KCNQ1OT1: variants seen among roughly 807,000 people sequenced by gnomAD.
KCNQ1OT1 encodes KCNQ1 antisense RNA 2 (non-protein coding).
Position 2,695,210 on chromosome 11 carries a change from A to C in KCNQ1OT1, n.4785T>G, listed in dbSNP as rs1294544041. On this transcript the variant is annotated non_coding_transcript_exon_variant, in exon 1 of 1. Transcript: ENST00000597346. This position sits in a 1 kb window ranked among gnomAD's most constrained non-coding sequence, Gnocchi z 5.2. ...GCCTATGAAACACTGTCACCCTGTAAGGGTCTGCATAAAGTCACCGCTCTC... is the reference window on the plus strand; with the variant it reads ...GCCTATGAAACACTGTCACCCTGTACGGGTCTGCATAAAGTCACCGCTCTC... 1 of 398,486 alleles carries C rather than the reference A, an allele frequency of 2.5e-6. No individual in the cohort carries two copies. The highest frequency in any genetic ancestry group is 4.4e-6 in the Non-Finnish European group (1 of 226,092). 24.7% of individuals were successfully genotyped at this position (398,486 alleles called of 1,614,324 possible).
rs1850243160 is a variant in KCNQ1OT1, at chr11:2,674,140, T to C, written n.25855A>G. ...GCTGGTTTGCCGGGGCCACCCAGTGTGGGCTCAGGAAGGGAAGGAATGTGA... is the reference window on the plus strand; with the variant it reads ...GCTGGTTTGCCGGGGCCACCCAGTGCGGGCTCAGGAAGGGAAGGAATGTGA... On this transcript the variant is annotated non_coding_transcript_exon_variant, in exon 1 of 1. Coordinates refer to ENST00000597346, the Ensembl canonical transcript of KCNQ1OT1. The surrounding 1 kb of genome is among the most constrained non-coding windows in gnomAD (Gnocchi z 5.9). 2 of 398,434 alleles carry C rather than the reference T, an allele frequency of 5.0e-6. No individual in the cohort carries two copies. Among genetic ancestry groups the C allele is most frequent in the Non-Finnish European group, 8.8e-6 (2 of 226,136 alleles). The allele number at this position is 398,434 out of a possible 1,614,324, so 24.7% of individuals were successfully genotyped here.
chr11:2,698,861 C>T lies in KCNQ1OT1; in HGVS notation n.1134G>A, dbSNP rs987008012. 8.0e-5 allele frequency: 32 copies of T among 398,700 alleles called. No individual in the cohort carries two copies. The highest frequency in any genetic ancestry group is 6.2e-4 in the African/African-American group (30 of 48,618). The allele number at this position is 398,700 out of a possible 1,614,324, so 24.7% of individuals were successfully genotyped here. A position where few individuals can be genotyped will look rare whatever the true frequency, so the allele number is the denominator to read the frequency against. ...CCACCATGCGGACTCCAGACCCGGA[C>T]TGACTGGGACCCCAACTACTCAGAT... is the stretch of plus-strand genomic sequence containing the variant. On this transcript the variant is annotated non_coding_transcript_exon_variant, in exon 1 of 1. Coordinates refer to ENST00000597346, the Ensembl canonical transcript of KCNQ1OT1. This position sits in a 1 kb window ranked among gnomAD's most constrained non-coding sequence, Gnocchi z 5.1.
In KCNQ1OT1 at chr11:2,642,941, T is replaced by G. The variant is rs2133831990; in HGVS notation, n.57054A>C. On this transcript the variant is annotated non_coding_transcript_exon_variant, in exon 1 of 1. Transcript: ENST00000597346. This position sits in a 1 kb window ranked among gnomAD's most constrained non-coding sequence, Gnocchi z 4.3. ...GACCCATTGGTCATTCAGGAACATG[T>G]TAATTTCCATTTATTTATACAGTTT... The G allele has an allele frequency of 2.5e-6, 1 of 398,012 alleles. No homozygotes were observed. Among genetic ancestry groups the G allele is most frequent in the South Asian group, 1.3e-4 (1 of 7,860 alleles). 24.7% of individuals were successfully genotyped at this position (398,012 alleles called of 1,614,324 possible).
Position 2,695,663 on chromosome 11 carries a change from G to A in KCNQ1OT1, n.4332C>T, listed in dbSNP as rs1850662905. 2.5e-6 allele frequency: 1 copy of A among 398,480 alleles called. No individual in the cohort carries two copies. Among genetic ancestry groups the A allele is most frequent in the Non-Finnish European group, 4.4e-6 (1 of 226,080 alleles). The allele number at this position is 398,480 out of a possible 1,614,324, so 24.7% of individuals were successfully genotyped here. ...GCCACAGGTATAAAATATTTTATTTGAGGAAGAAGTGTTGGCCAGCTCTTC... is the reference window on the plus strand; with the variant it reads ...GCCACAGGTATAAAATATTTTATTTAAGGAAGAAGTGTTGGCCAGCTCTTC... On this transcript the variant is annotated non_coding_transcript_exon_variant, in exon 1 of 1. Coordinates refer to ENST00000597346, the Ensembl canonical transcript of KCNQ1OT1. This position sits in a 1 kb window ranked among gnomAD's most constrained non-coding sequence, Gnocchi z 5.2.
At chr11:2,675,886 T>G (rs1850285053) in exon 1 of KCNQ1OT1, 1 of 398,592 alleles carries the variant, frequency 2.5e-6, no homozygotes, top group Admixed American at 4.4e-5. Flanking sequence ...AATCGTGCTT[T>G]ATGTATTCAA....
At chr11:2,689,333 G>A (rs747385931) in exon 1 of KCNQ1OT1, 46 of 398,522 alleles carry the variant, frequency 1.2e-4, no homozygotes, top group Middle Eastern at 6.2e-4. Context: ...GCCCCTATCC[G>A]CAGAGCTTGA....
chr11:2,680,839 G>T (rs1412133539), exon 1 of KCNQ1OT1: 3 of 398,332 alleles, frequency 7.5e-6, no homozygotes, highest in Non-Finnish European at 1.3e-5. Flanking sequence ...TTTGGGATCG[G>T]CTCTTTTCAC....
rs1031779526 is a variant in KCNQ1OT1, at chr11:2,673,661, C to T, written n.26334G>A. The T allele has an allele frequency of 7.5e-6, 3 of 398,634 alleles. No homozygotes were observed. Among genetic ancestry groups the T allele is most frequent in the African/African-American group, 6.2e-5 (3 of 48,630 alleles). 24.7% of individuals were successfully genotyped at this position (398,634 alleles called of 1,614,324 possible). ...GACCACCCTGACTCATGTCCCTTGT[C>T]TGCATAGGTGTTTTCCTATAAATGT... On this transcript the variant is annotated non_coding_transcript_exon_variant, in exon 1 of 1. Coordinates refer to ENST00000597346, the Ensembl canonical transcript of KCNQ1OT1. This position sits in a 1 kb window ranked among gnomAD's most constrained non-coding sequence, Gnocchi z 4.5.
At chr11:2,631,687 G>A (rs1849355419) in exon 1 of KCNQ1OT1, 4 of 398,410 alleles carry the variant, frequency 1.0e-5, no homozygotes, top group Non-Finnish European at 1.3e-5. Context: ...ACTTGATGGA[G>A]TGTTAAGTAG....
chr11:2,624,722 A>G lies in KCNQ1OT1; in HGVS notation n.75273T>C. Reference sequence around the variant, plus strand: ...TTTGTAATTATGAAACTCTATATCCATTAAACAATAATTCCCCAACCCCCC... The same window carrying G: ...TTTGTAATTATGAAACTCTATATCCGTTAAACAATAATTCCCCAACCCCCC... On this transcript the variant is annotated non_coding_transcript_exon_variant, in exon 1 of 1. Transcript: ENST00000597346. The surrounding 1 kb of genome is among the most constrained non-coding windows in gnomAD (Gnocchi z 4.9). The G allele has an allele frequency of 2.5e-6, 1 of 398,542 alleles. No individual in the cohort carries two copies. Among genetic ancestry groups the G allele is most frequent in the Non-Finnish European group, 4.4e-6 (1 of 226,058 alleles). The allele number at this position is 398,542 out of a possible 1,614,324, so 24.7% of individuals were successfully genotyped here. A position where few individuals can be genotyped will look rare whatever the true frequency, so the allele number is the denominator to read the frequency against.
chr11:2,654,081 T>C lies in KCNQ1OT1; in HGVS notation n.45914A>G. On this transcript the variant is annotated non_coding_transcript_exon_variant, in exon 1 of 1. Coordinates refer to ENST00000597346, the Ensembl canonical transcript of KCNQ1OT1. This position sits in a 1 kb window ranked among gnomAD's most constrained non-coding sequence, Gnocchi z 6.4. Reference sequence around the variant, plus strand: ...GAATGGCTTTTACACTTTCCATCCATGTCCCTTACTTCTCGCCTCTGAGTG... The same window carrying C: ...GAATGGCTTTTACACTTTCCATCCACGTCCCTTACTTCTCGCCTCTGAGTG... 2 of 398,786 alleles carry C rather than the reference T, an allele frequency of 5.0e-6. No individual in the cohort carries two copies. The highest frequency in any genetic ancestry group is 8.8e-6 in the Non-Finnish European group (2 of 226,134). 24.7% of individuals were successfully genotyped at this position (398,786 alleles called of 1,614,324 possible).
exon 1 of KCNQ1OT1, chr11:2,616,963 GT>G (rs35383069): frequency 0.59 from 220,154 of 371,904 alleles, 62,039 homozygotes; most frequent in East Asian, 0.84. Context: ...ATCTTGTTGT[GT>G]TTTTTTTTTT....
At chr11:2,649,912 G>A (rs1466442177) in exon 1 of KCNQ1OT1, 1 of 398,190 alleles carries the variant, frequency 2.5e-6, no homozygotes, top group African/African-American at 2.1e-5. Flanking sequence ...ACTTCTTCTG[G>A]AACTCCCAAA....
chr11:2,681,775 G>A, exon 1 of KCNQ1OT1: 1 of 398,490 alleles, frequency 2.5e-6, no homozygotes, highest in Non-Finnish European at 4.4e-6. Flanking sequence ...CTGGGACCTG[G>A]GAGGACCAGA....
chr11:2,658,506 C>T lies in KCNQ1OT1; in HGVS notation n.41489G>A, dbSNP rs1397470927. 2 of 398,390 alleles carry T rather than the reference C, an allele frequency of 5.0e-6. No homozygotes were observed. Among genetic ancestry groups the T allele is most frequent in the Middle Eastern group, 6.2e-4 (1 of 1,612 alleles). The allele number at this position is 398,390 out of a possible 1,614,324, so 24.7% of individuals were successfully genotyped here. A position where few individuals can be genotyped will look rare whatever the true frequency, so the allele number is the denominator to read the frequency against. On this transcript the variant is annotated non_coding_transcript_exon_variant, in exon 1 of 1. Transcript: ENST00000597346. The surrounding 1 kb of genome is among the most constrained non-coding windows in gnomAD (Gnocchi z 4.9). Reference sequence around the variant, plus strand: ...TTATTTTTAAGCATTTCTTTTCTAGCACTTGACAATACTTCAGGCTCATCT... The same window carrying T: ...TTATTTTTAAGCATTTCTTTTCTAGTACTTGACAATACTTCAGGCTCATCT...
exon 1 of KCNQ1OT1, chr11:2,699,141 C>G: frequency 2.5e-6 from 1 of 398,652 alleles, no homozygotes; most frequent in East Asian, 3.6e-5. Context: ...ACTCCAATCC[C>G]AATTCAGCCC....
At chr11:2,629,609 C>G (rs1849319810) in exon 1 of KCNQ1OT1, 2 of 398,422 alleles carry the variant, frequency 5.0e-6, no homozygotes, top group Non-Finnish European at 8.9e-6. Context: ...ATTGAATGGA[C>G]ATGGCATGCT....
At position 2,613,043 on chromosome 11, in the gene KCNQ1OT1, G is replaced by T; in HGVS notation, n.86952C>A. 2.5e-6 allele frequency: 1 copy of T among 398,544 alleles called. No individual in the cohort carries two copies. Among genetic ancestry groups the T allele is most frequent in the Non-Finnish European group, 4.4e-6 (1 of 226,078 alleles). 24.7% of individuals were successfully genotyped at this position (398,544 alleles called of 1,614,324 possible). The stretch of plus-strand genomic sequence containing the variant: ...TTGTTTTGTAAGCCTGGCTTCATTG[G>T]TGTCACCCCTGGATCAGCATAACCT... On this transcript the variant is annotated non_coding_transcript_exon_variant, in exon 1 of 1. Coordinates refer to ENST00000597346, the Ensembl canonical transcript of KCNQ1OT1. This position sits in a 1 kb window ranked among gnomAD's most constrained non-coding sequence, Gnocchi z 4.8.
rs543811648 is a variant in KCNQ1OT1 at position 2,679,603 on chromosome 11, G to A, written n.20392C>T. 4 of 398,588 alleles carry A rather than the reference G, an allele frequency of 1.0e-5. No individual in the cohort carries two copies. Among genetic ancestry groups the A allele is most frequent in the South Asian group, 1.3e-4 (1 of 7,852 alleles). The allele number at this position is 398,588 out of a possible 1,614,324, so 24.7% of individuals were successfully genotyped here. The stretch of plus-strand genomic sequence containing the variant: ...TGCCTGACAAAGCTGATGGGGAGGC[G>A]AGTTGGAATGAATAGTATCAGCATC... On this transcript the variant is annotated non_coding_transcript_exon_variant, in exon 1 of 1. Coordinates refer to ENST00000597346, the Ensembl canonical transcript of KCNQ1OT1. The surrounding 1 kb of genome is among the most constrained non-coding windows in gnomAD (Gnocchi z 4.8).
Sources: allele counts gnomAD v4.1 joint callset, GRCh38; gene constraint gnomAD v4.1.1; non-coding constraint Gnocchi (gnomAD v3.1); transcripts MANE v1.5; gene names NCBI Gene and HGNC (gene_info 2026-07-23, HGNC 2026-07-21).